OSR2: variants seen among roughly 807,000 people sequenced by gnomAD.
OSR2 encodes odd-skipped related transciption factor 2.
Under a neutral mutation model 22.3 loss-of-function variants are expected in OSR2, and 8 were observed. The ratio of observed to expected loss-of-function variants is 0.36; its 90% CI spans 0.21 to 0.65. The LOEUF is 0.65. Among genes scored for constraint, OSR2 ranks in the 30% least tolerant of loss-of-function variants. The probability of loss-of-function intolerance (pLI) is 0.66; values close to 1 mark genes in which losing one functional copy is unlikely to be tolerated. For synonymous variants in OSR2, 179 were observed against 173.8 expected, an observed-to-expected ratio of 1.03 and a Z score of -0.23; for missense variants, 311 against 413.4, an observed-to-expected ratio of 0.75 and a Z score of 2.15.
chr8:98,947,836 C>T (rs565418434), intron 1 of OSR2, among the ~76,000 whole-genome samples: 3 of 152,308 alleles, frequency 2.0e-5, no homozygotes, highest in Non-Finnish European at 4.4e-5. Flanking sequence ...TCTCCCTCCC[C>T]GGAGCGCTCT....
chr8:98,948,463 G>T lies in OSR2; in HGVS notation c.-114-376G>T. On this transcript the variant is annotated intron_variant, in intron 1 of 3. Coordinates refer to ENST00000297565, the MANE Select transcript of OSR2 (RefSeq NM_001142462.3). The surrounding 1 kb of genome is among the most constrained non-coding windows in gnomAD (Gnocchi z 6.0). ...TAGCATTGGCATTGCGGTTGACTGA[G>T]CTTCGCCTAACAGGCTTGGGGAGGG... is the stretch of plus-strand genomic sequence containing the variant. 9.3e-7 allele frequency: 1 copy of T among 1,080,270 alleles called. No homozygotes were observed. Among genetic ancestry groups the T allele is most frequent in the African/African-American group, 1.9e-5 (1 of 51,596 alleles). 66.9% of individuals were successfully genotyped at this position (1,080,270 alleles called of 1,614,324 possible). A position where few individuals can be genotyped will look rare whatever the true frequency, so the allele number is the denominator to read the frequency against.
chr8:98,947,396 G>T (rs970744753), intron 1 of OSR2, among the ~76,000 whole-genome samples: 3 of 151,900 alleles, frequency 2.0e-5, no homozygotes, highest in African/African-American at 7.2e-5. Flanking sequence ...CAAGTCAGAC[G>T]CAGGAAGGGG....
At chr8:98,947,534 G>A (rs1840644095) in intron 1 of OSR2, among the ~76,000 whole-genome samples, 1 of 152,134 alleles carries the variant, frequency 6.6e-6, no homozygotes, top group South Asian at 2.1e-4. Flanking sequence ...CAGAGGGAAG[G>A]CCCTGGTCCC....
chr8:98,951,736 C>A lies in OSR2; in HGVS notation c.*35C>A. 6.3e-7 allele frequency: 1 copy of A among 1,579,622 alleles called. No individual in the cohort carries two copies. Among genetic ancestry groups the A allele is most frequent in the Non-Finnish European group, 8.6e-7 (1 of 1,163,838 alleles). ...GGATCTGTCCCGTGCCGCCGCTGCT[C>A]CCCTCCCCAGACACCTCTCCACGTC... On this transcript the variant is annotated 3_prime_UTR_variant, in exon 4 of 4. Transcript: ENST00000297565.
At chr8:98,950,346 A>T (rs911411866) in intron 2 of OSR2, among the ~76,000 whole-genome samples, 7 of 152,114 alleles carry the variant, frequency 4.6e-5, no homozygotes, top group African/African-American at 1.7e-4. Flanking sequence ...TTACATCCTG[A>T]TTTGGCCAAT....
rs1172456862 is a variant in OSR2 at position 98,948,443 on chromosome 8, T to C, written c.-114-396T>C. 6.9e-6 allele frequency: 8 copies of C among 1,156,236 alleles called. No individual in the cohort carries two copies. The Admixed American group carries it at 1.4e-4, about 20-fold the overall frequency. The allele number at this position is 1,156,236 out of a possible 1,614,324, so 71.6% of individuals were successfully genotyped here. ...AGAGGTTCGCCCCGGCCTGCTAGCATTGGCATTGCGGTTGACTGAGCTTCG... is the reference window on the plus strand; with the variant it reads ...AGAGGTTCGCCCCGGCCTGCTAGCACTGGCATTGCGGTTGACTGAGCTTCG... On this transcript the variant is annotated intron_variant, in intron 1 of 3. Coordinates refer to ENST00000297565, the MANE Select transcript of OSR2 (RefSeq NM_001142462.3). The surrounding 1 kb of genome is among the most constrained non-coding windows in gnomAD (Gnocchi z 6.0).
rs1333887580 is a variant in OSR2, at chr8:98,948,364, C to G, written c.-114-475C>G. 6.6e-7 allele frequency: 1 copy of G among 1,510,058 alleles called. No individual in the cohort carries two copies. The highest frequency in any genetic ancestry group is 8.8e-7 in the Non-Finnish European group (1 of 1,132,556). The allele number at this position is 1,510,058 out of a possible 1,614,324, so 93.5% of individuals were successfully genotyped here. ...GGCGGCAGCGCAGCGCGTGGGATCT[C>G]ACGACCCATCCGTTAACCCACCGTT... On this transcript the variant is annotated intron_variant, in intron 1 of 3. Transcript: ENST00000297565. This position sits in a 1 kb window ranked among gnomAD's most constrained non-coding sequence, Gnocchi z 6.0.
chr8:98,948,450 T>G lies in OSR2; in HGVS notation c.-114-389T>G. 9.2e-7 allele frequency: 1 copy of G among 1,091,402 alleles called. No homozygotes were observed. The highest frequency in any genetic ancestry group is 1.9e-5 in the South Asian group (1 of 53,624). 67.6% of individuals were successfully genotyped at this position (1,091,402 alleles called of 1,614,324 possible). A position where few individuals can be genotyped will look rare whatever the true frequency, so the allele number is the denominator to read the frequency against. On this transcript the variant is annotated intron_variant, in intron 1 of 3. Coordinates refer to ENST00000297565, the MANE Select transcript of OSR2 (RefSeq NM_001142462.3). The surrounding 1 kb of genome is among the most constrained non-coding windows in gnomAD (Gnocchi z 6.0). The stretch of plus-strand genomic sequence containing the variant: ...CGCCCCGGCCTGCTAGCATTGGCAT[T>G]GCGGTTGACTGAGCTTCGCCTAACA...
At position 98,948,287 on chromosome 8, in the gene OSR2, T is replaced by G. The variant is rs892458204; in HGVS notation, c.-114-552T>G. Reference sequence around the variant, plus strand: ...GGATGAAGCGCGCCGGCTTCGCTCTTGCACGCCGGCTTGCCATCCGGGTAA... The same window carrying G: ...GGATGAAGCGCGCCGGCTTCGCTCTGGCACGCCGGCTTGCCATCCGGGTAA... On this transcript the variant is annotated intron_variant, in intron 1 of 3. Transcript: ENST00000297565. This position sits in a 1 kb window ranked among gnomAD's most constrained non-coding sequence, Gnocchi z 6.0. 16 of 1,522,238 alleles carry G rather than the reference T, an allele frequency of 1.1e-5. No individual in the cohort carries two copies. The highest frequency in any genetic ancestry group is 1.4e-5 in the Non-Finnish European group (16 of 1,138,728). The allele number at this position is 1,522,238 out of a possible 1,614,324, so 94.3% of individuals were successfully genotyped here.
chr8:98,951,009 T>A (rs1156858740), intron 3 of OSR2: 2 of 595,426 alleles, frequency 3.4e-6, no homozygotes, highest in East Asian at 5.5e-5. Context: ...TTTCATCCAA[T>A]CTGTCCTGCA....
At position 98,948,711 on chromosome 8, in the gene OSR2, T is replaced by C. The variant is rs1840687649; in HGVS notation, c.-114-128T>C. 1.6e-6 allele frequency: 2 copies of C among 1,221,536 alleles called. No individual in the cohort carries two copies. Among genetic ancestry groups the C allele is most frequent in the Admixed American group, 5.6e-5 (2 of 35,842 alleles). 75.7% of individuals were successfully genotyped at this position (1,221,536 alleles called of 1,614,324 possible). Reference sequence around the variant, plus strand: ...GGTGCCACGCAGTCCCCTCACGGCTTTCGGGGGGTCTTGGAGTCGGGTGGG... The same window carrying C: ...GGTGCCACGCAGTCCCCTCACGGCTCTCGGGGGGTCTTGGAGTCGGGTGGG... On this transcript the variant is annotated intron_variant, in intron 1 of 3. Coordinates refer to ENST00000297565, the MANE Select transcript of OSR2 (RefSeq NM_001142462.3). The surrounding 1 kb of genome is among the most constrained non-coding windows in gnomAD (Gnocchi z 6.0).
rs1042151076 is a variant in OSR2 at position 98,949,890 on chromosome 8, C to T, written c.656+282C>T. Reference sequence around the variant, plus strand: ...CTGGGATGGTTATCCTGTCTCCTCCCGGTGCTGTGGGGAGTGGTGCAGGCA... The same window carrying T: ...CTGGGATGGTTATCCTGTCTCCTCCTGGTGCTGTGGGGAGTGGTGCAGGCA... On this transcript the variant is annotated intron_variant, in intron 2 of 3. Coordinates refer to ENST00000297565, the MANE Select transcript of OSR2 (RefSeq NM_001142462.3). The surrounding 1 kb of genome is among the most constrained non-coding windows in gnomAD (Gnocchi z 5.9). Among the ~76,000 whole-genome samples the T allele has an allele frequency of 3.3e-5, 5 of 152,120 alleles. No homozygotes were observed. Among genetic ancestry groups the T allele is most frequent in the Non-Finnish European group, 7.4e-5 (5 of 68,010 alleles).
Position 98,949,723 on chromosome 8 carries a change from C to A in OSR2, c.656+115C>A. 8.2e-7 allele frequency: 1 copy of A among 1,224,240 alleles called. No individual in the cohort carries two copies. Among genetic ancestry groups the A allele is most frequent in the Non-Finnish European group, 1.1e-6 (1 of 882,396 alleles). The allele number at this position is 1,224,240 out of a possible 1,614,324, so 75.8% of individuals were successfully genotyped here. A position where few individuals can be genotyped will look rare whatever the true frequency, so the allele number is the denominator to read the frequency against. On this transcript the variant is annotated intron_variant, in intron 2 of 3. Transcript: ENST00000297565. The surrounding 1 kb of genome is among the most constrained non-coding windows in gnomAD (Gnocchi z 5.9). Reference sequence around the variant, plus strand: ...AATCCCCTGTGATCTAAAATACACCCTCAGTCACGCTCCTCAGCCCGGTTC... The same window carrying A: ...AATCCCCTGTGATCTAAAATACACCATCAGTCACGCTCCTCAGCCCGGTTC...
Position 98,951,839 on chromosome 8 carries a change from G to A in OSR2, c.*138G>A, listed in dbSNP as rs1204422348. ...TGCTGCAGCCGCACCTGCAGCTCCA[G>A]GGAGTTAACTCTTCTTCTGGGGGAC... On this transcript the variant is annotated 3_prime_UTR_variant, in exon 4 of 4. Coordinates refer to ENST00000297565, the MANE Select transcript of OSR2 (RefSeq NM_001142462.3). 1 of 784,820 alleles carries A rather than the reference G, an allele frequency of 1.3e-6. No individual in the cohort carries two copies. The highest frequency in any genetic ancestry group is 2.0e-6 in the Non-Finnish European group (1 of 504,670). The allele number at this position is 784,820 out of a possible 1,614,324, so 48.6% of individuals were successfully genotyped here.
intron 3 of OSR2, chr8:98,951,066 G>T: frequency 1.8e-6 from 1 of 546,748 alleles, no homozygotes; most frequent in Non-Finnish European, 3.2e-6. Context: ...TTTTGATAAT[G>T]GAGGCATAGT....
At chr8:98,947,544 C>T (rs1416137452) in intron 1 of OSR2, among the ~76,000 whole-genome samples, 2 of 152,202 alleles carry the variant, frequency 1.3e-5, no homozygotes, top group Non-Finnish European at 2.9e-5. Context: ...GCCCTGGTCC[C>T]CCGAACTGGC....
rs751822223 is a variant in OSR2, at chr8:98,949,329, C to A, written c.377C>A (p.Thr126Lys). 6.2e-7 allele frequency: 1 copy of A among 1,613,004 alleles called. No homozygotes were observed. Among genetic ancestry groups the A allele is most frequent in the Non-Finnish European group, 8.5e-7 (1 of 1,179,416 alleles). Residue 126 changes from threonine (T) to lysine (K), a missense_variant, in exon 2 of 4, where the codon ACG (threonine) becomes AAG (lysine). This residue lies in a region of OSR2 where 3 missense variants were observed against 18.5 expected (regional missense o/e 0.16). Coordinates refer to ENST00000297565, the MANE Select transcript of OSR2 (RefSeq NM_001142462.3). The surrounding 1 kb of genome is among the most constrained non-coding windows in gnomAD (Gnocchi z 5.9). Reference protein sequence around the residue: ...FDFANLAVAATQEDPPKMGDL... With the variant: ...FDFANLAVAAKQEDPPKMGDL... The stretch of plus-strand genomic sequence containing the variant: ...TTTGCCAATTTGGCGGTGGCTGCCA[C>A]GCAAGAGGATCCGCCTAAGATGGGA...
intron 3 of OSR2, 143 bp from the exon 4 acceptor site, chr8:98,951,376 C>T (rs915485732): frequency 2.9e-5 from 23 of 781,030 alleles, no homozygotes; most frequent in South Asian, 3.9e-5. Flanking sequence ...ATTAGGAGCA[C>T]GGATTTGTTC....
Position 98,949,664 on chromosome 8 carries a change from A to C in OSR2, c.656+56A>C. The C allele has an allele frequency of 7.1e-6, 11 of 1,538,948 alleles. No individual in the cohort carries two copies. The highest frequency in any genetic ancestry group is 9.7e-6 in the Non-Finnish European group (11 of 1,136,880). On this transcript the variant is annotated intron_variant, in intron 2 of 3. Transcript: ENST00000297565. This position sits in a 1 kb window ranked among gnomAD's most constrained non-coding sequence, Gnocchi z 5.9. ...GGGAAAGCGAATTTGTCCTGGACAC[A>C]CCGAGTCCTGATAGACATTCCCAGT...
Sources: gnomAD v4.1 joint callset for allele counts (sites outside exome capture counted in the v4.1 genomes callset) on GRCh38, gnomAD v4.1.1 for gene constraint, gnomAD v4.1.1 regional missense constraint, Gnocchi (gnomAD v3.1) non-coding constraint, MANE v1.5 for transcripts, NCBI Gene and HGNC (gene_info 2026-07-23, HGNC 2026-07-21) for gene names.